NWD2: variants seen among roughly 807,000 people sequenced by gnomAD.
The protein encoded by NWD2 is NACHT and WD repeat domain containing 2.
A neutral mutation model predicts 132.7 loss-of-function variants in NWD2; 37 were observed. The ratio of observed to expected loss-of-function variants is 0.28; its 90% CI spans 0.21 to 0.37. The LOEUF is 0.37. NWD2 is among the 10% of genes least tolerant of loss of function. NWD2 has a pLI of 1.00. For synonymous variants in NWD2, 705 were observed against 803.0 expected (o/e 0.88, Z 2.06); for missense variants, 1,592 against 2,122.4 (o/e 0.75, Z 4.91).
At chr4:37,401,349 A>C (rs1171499603) in intron 3 of NWD2, among the ~76,000 whole-genome samples, 1 of 149,258 alleles carries the variant, frequency 6.7e-6, no homozygotes, top group Non-Finnish European at 1.5e-5. Flanking sequence ...TGCTCTCCAG[A>C]GATACCACCT....
At position 37,448,512 on chromosome 4, in the gene NWD2, C is replaced by G. The variant is rs556463233; in HGVS notation, c.*1295C>G. 4 of 152,312 alleles carry G rather than the reference C, an allele frequency of 2.6e-5. No homozygotes were observed. In the East Asian group the frequency reaches 7.7e-4, roughly 29 times the overall value. The allele number at this position is 152,312 out of a possible 1,614,324, so 9.4% of individuals were successfully genotyped here. A position where few individuals can be genotyped will look rare whatever the true frequency, so the allele number is the denominator to read the frequency against. ...TTCACCTGTTTAAAAGAAAACATTGCATCTCAAAAGGTGAAGATGATTGTT... is the reference window on the plus strand; with the variant it reads ...TTCACCTGTTTAAAAGAAAACATTGGATCTCAAAAGGTGAAGATGATTGTT... On this transcript the variant is annotated 3_prime_UTR_variant, in exon 7 of 7. Coordinates refer to ENST00000309447, the MANE Select transcript of NWD2 (RefSeq NM_001144990.2).
chr4:37,356,653 T>TC (rs1719877031), intron 3 of NWD2, among the ~76,000 whole-genome samples, 171 bp downstream of exon 3: 1 of 152,226 alleles, frequency 6.6e-6, no homozygotes, highest in Non-Finnish European at 1.5e-5. Flanking sequence ...ACAAAAAGCT[T>TC]CAACTTTCCA....
rs929066345 is a variant in NWD2 at position 37,311,784 on chromosome 4, C to T, written c.152-14152C>T. ...TAGGTCTAACATTTAAGTCTTTAAT[C>T]CATCTTGAATTAATTTTTGTATAAG... On this transcript the variant is annotated intron_variant, in intron 1 of 6. Coordinates refer to ENST00000309447, the MANE Select transcript of NWD2 (RefSeq NM_001144990.2). Among the ~76,000 whole-genome samples the T allele has an allele frequency of 3.9e-3, 579 of 149,064 alleles. 7 individuals are homozygous for T. The highest frequency in any genetic ancestry group is 6.2e-3 in the Non-Finnish European group (420 of 68,002).
At chr4:37,254,538 A>G (rs570314187) in intron 1 of NWD2, among the ~76,000 whole-genome samples, 1 of 152,224 alleles carries the variant, frequency 6.6e-6, no homozygotes, top group African/African-American at 2.4e-5. Flanking sequence ...GCTTAAAAGC[A>G]TATGTAGGTA....
intron 5 of NWD2, among the ~76,000 whole-genome samples, chr4:37,436,174 T>C (rs1477968541): frequency 6.6e-6 from 1 of 152,174 alleles, no homozygotes; most frequent in Non-Finnish European, 1.5e-5. Context: ...GGAAACCTAT[T>C]TCCACCATTA....
chr4:37,256,765 T>G (rs55682407), intron 1 of NWD2, among the ~76,000 whole-genome samples: 1,608 of 152,146 alleles, frequency 0.011, 32 homozygotes, highest in African/African-American at 0.037. Flanking sequence ...GATCCAAAGC[T>G]CTCTCTCTCC....
intron 3 of NWD2, among the ~76,000 whole-genome samples, chr4:37,394,274 G>A: frequency 6.6e-6 from 1 of 152,220 alleles, no homozygotes; most frequent in East Asian, 1.9e-4. Flanking sequence ...CATCTTTGTT[G>A]TTTTCACGTG....
chr4:37,275,190 T>C (rs898761638), intron 1 of NWD2, among the ~76,000 whole-genome samples: 9 of 152,128 alleles, frequency 5.9e-5, no homozygotes, highest in Non-Finnish European at 1.2e-4. Context: ...CCCATCGTCT[T>C]AGCCCAAAAT....
rs546143853 is a variant in NWD2, at chr4:37,335,295, G to A, written c.240+9271G>A. Among the ~76,000 whole-genome samples, 282 of 59,312 alleles carry A rather than the reference G, an allele frequency of 4.8e-3. 3 individuals are homozygous for A. Among genetic ancestry groups the A allele is most frequent in the African/African-American group, 0.012 (263 of 21,350 alleles). 38.9% of individuals were successfully genotyped at this position (59,312 alleles called of 152,430 possible). On this transcript the variant is annotated intron_variant, in intron 2 of 6. Transcript: ENST00000309447. ...ACCCACTGTGCCCTCTGACTGGGGG[G>A]TGGGCGGGGGGGGGGGGCTTAAATT...
chr4:37,267,998 G>A (rs139407137), intron 1 of NWD2, among the ~76,000 whole-genome samples: 151 of 151,892 alleles, frequency 9.9e-4, no homozygotes, highest in African/African-American at 3.5e-3. Flanking sequence ...CTGCTCCTGT[G>A]GCTTGTCTTG....
intron 3 of NWD2, among the ~76,000 whole-genome samples, chr4:37,424,999 A>C (rs1711953530): frequency 6.6e-6 from 1 of 152,192 alleles, no homozygotes; most frequent in Non-Finnish European, 1.5e-5. Flanking sequence ...GAGAGGAGGG[A>C]AAATGTTATC....
intron 2 of NWD2, among the ~76,000 whole-genome samples, chr4:37,330,009 C>T (rs1050993547): frequency 6.6e-6 from 1 of 152,116 alleles, no homozygotes; most frequent in Non-Finnish European, 1.5e-5. Context: ...CCATTTAGTT[C>T]AGTCTTTATT....
chr4:37,249,617 C>T (rs1016770053), intron 1 of NWD2, among the ~76,000 whole-genome samples: 3 of 152,152 alleles, frequency 2.0e-5, no homozygotes, highest in Non-Finnish European at 2.9e-5. Flanking sequence ...GATACTTCTC[C>T]CCTAAGGAGT....
chr4:37,354,139 C>T (rs1719824752), intron 2 of NWD2, among the ~76,000 whole-genome samples: 2 of 152,180 alleles, frequency 1.3e-5, no homozygotes, highest in Admixed American at 6.5e-5. Flanking sequence ...GAGATCCACT[C>T]CAGACTCTGT....
chr4:37,283,541 G>A (rs1718170556), intron 1 of NWD2, among the ~76,000 whole-genome samples: 1 of 152,118 alleles, frequency 6.6e-6, no homozygotes, highest in Admixed American at 6.5e-5. Flanking sequence ...CCTGAACTTA[G>A]GAGTTTTACA....
At position 37,380,208 on chromosome 4, in the gene NWD2, A is replaced by G. The variant is rs541225667; in HGVS notation, c.357+23726A>G. Among the ~76,000 whole-genome samples, 12 of 152,358 alleles carry G rather than the reference A, an allele frequency of 7.9e-5. No individual in the cohort carries two copies. In the South Asian group the frequency reaches 8.3e-4, roughly 11 times the overall value. On this transcript the variant is annotated intron_variant, in intron 3 of 6. Transcript: ENST00000309447. The stretch of plus-strand genomic sequence containing the variant: ...CAGGGCTACTAGGCTAGAAAATTGT[A>G]GTTGGAATTCAAAACCACATCTGTT...
chr4:37,445,635 A>G lies in NWD2; in HGVS notation c.3647A>G (p.Asp1216Gly). The G allele has an allele frequency of 6.4e-7, 1 of 1,552,260 alleles. No homozygotes were observed. Among genetic ancestry groups the G allele is most frequent in the Non-Finnish European group, 8.7e-7 (1 of 1,147,132 alleles). ...ICKALSIELL[D>G]TGLWKVAEKF... ...AAAGCCCTCAGCATTGAGCTCTTAG[A>G]TACTGGTCTGTGGAAGGTGGCTGAA... Residue 1216 changes from aspartate to glycine, a missense_variant, in exon 7 of 7, where the codon GAT (aspartate) becomes GGT (glycine). Physicochemically the swap from Asp to Gly is moderately conservative, Grantham distance 94. Transcript: ENST00000309447. This position sits in a 1 kb window ranked among gnomAD's most constrained non-coding sequence, Gnocchi z 4.7.
At chr4:37,315,888 A>C (rs1046257251) in intron 1 of NWD2, among the ~76,000 whole-genome samples, 11 of 152,004 alleles carry the variant, frequency 7.2e-5, no homozygotes, top group Non-Finnish European at 1.5e-5. Flanking sequence ...TTAATTTATC[A>C]CACTTTAGAT....
chr4:37,260,202 A>G (rs997073162), intron 1 of NWD2, among the ~76,000 whole-genome samples: 5 of 152,164 alleles, frequency 3.3e-5, no homozygotes, highest in Non-Finnish European at 7.3e-5. Flanking sequence ...CCTTGAGATA[A>G]CATGAGGGGA....
Sources: gnomAD v4.1 joint callset for allele counts (sites outside exome capture counted in the v4.1 genomes callset) on GRCh38, gnomAD v4.1.1 for gene constraint, Gnocchi (gnomAD v3.1) non-coding constraint, MANE v1.5 for transcripts, NCBI Gene and HGNC (gene_info 2026-07-23, HGNC 2026-07-21) for gene names.